NAA25: variants seen among roughly 807,000 people sequenced by gnomAD.
NAA25 encodes N-terminal acetyltransferase B complex subunit NAA25.
Under a neutral mutation model 132.5 loss-of-function variants are expected in NAA25, and 30 were observed. The ratio of observed to expected loss-of-function variants is 0.23; its 90% CI spans 0.17 to 0.31. The LOEUF is 0.31. Among genes scored for constraint, NAA25 ranks in the 10% least tolerant of loss-of-function variants. The probability of loss-of-function intolerance (pLI) is 1.00; values close to 1 mark genes in which losing one functional copy is unlikely to be tolerated. For missense variants in NAA25, 771 were observed against 1,150.4 expected, an observed-to-expected ratio of 0.67 and a Z score of 4.77; for synonymous variants, 359 against 401.9, an observed-to-expected ratio of 0.89 and a Z score of 1.28.
At chr12:112,075,339 C>G (rs908532245) in intron 8 of NAA25, among the ~76,000 whole-genome samples, 1 of 152,134 alleles carries the variant, frequency 6.6e-6, no homozygotes, top group African/African-American at 2.4e-5. Flanking sequence ...CAGGCACGCA[C>G]CACCACAACT....
At chr12:112,055,176 C>T (rs1462194518) in intron 13 of NAA25, among the ~76,000 whole-genome samples, 5 of 151,934 alleles carry the variant, frequency 3.3e-5, no homozygotes, top group Admixed American at 1.3e-4. Context: ...AAATAGTTAT[C>T]GTACTATCTA....
intron 11 of NAA25, among the ~76,000 whole-genome samples, chr12:112,066,933 A>G (rs1327979688): frequency 2.0e-5 from 3 of 152,216 alleles, no homozygotes; most frequent in Non-Finnish European, 2.9e-5. Flanking sequence ...TTCATTCCAC[A>G]TGGGGACAAT....
At chr12:112,029,695 C>T in intron 23 of NAA25, 42 bp from the exon 24 acceptor site, 2 of 1,594,104 alleles carry the variant, frequency 1.3e-6, no homozygotes, top group Non-Finnish European at 1.7e-6. Flanking sequence ...TGTTTAAAAA[C>T]CATCCCCCCA....
intron 1 of NAA25, among the ~76,000 whole-genome samples, chr12:112,097,720 G>A (rs1237342342): frequency 2.0e-5 from 3 of 151,952 alleles, no homozygotes; most frequent in African/African-American, 4.8e-5. Flanking sequence ...TTAAGCTTAC[G>A]GGTGAGGCTA....
At chr12:112,076,794 G>A (rs945943527) in intron 7 of NAA25, among the ~76,000 whole-genome samples, 11 of 151,704 alleles carry the variant, frequency 7.3e-5, no homozygotes, top group South Asian at 2.1e-4. Context: ...CCAGGAGTTC[G>A]AGACCAGCCT....
Position 112,039,250 on chromosome 12 carries a change from T to C in NAA25, c.2628A>G (p.Lys876=). 1 of 1,600,310 alleles carries C rather than the reference T, an allele frequency of 6.2e-7. No homozygotes were observed. Among genetic ancestry groups the C allele is most frequent in the Non-Finnish European group, 8.5e-7 (1 of 1,172,554 alleles). Residue 876 remains lysine (K), a synonymous_variant, in exon 22 of 24, where the codon AAA becomes AAG. Transcript: ENST00000261745. ...TTACCATGATGATGCTGGTTTCTTT[T>C]TTCTTCTTTTTCTTTTTCTGTAAAT... The part of the protein sequence containing the change: ...KLNLQKKKKK[K]KETSIIMPPV...
At chr12:112,094,299 T>C (rs2079182718) in intron 1 of NAA25, among the ~76,000 whole-genome samples, 1 of 150,826 alleles carries the variant, frequency 6.6e-6, no homozygotes, top group African/African-American at 2.4e-5. Context: ...ATCTCTCATC[T>C]ACAAGTAATA....
intron 3 of NAA25, among the ~76,000 whole-genome samples, chr12:112,088,324 T>G (rs1306399678): frequency 1.4e-5 from 2 of 142,366 alleles, no homozygotes; most frequent in African/African-American, 2.6e-5. Flanking sequence ...GTAGTTTTTT[T>G]TTTTTTTTTT....
chr12:112,093,046 G>A lies in NAA25; in HGVS notation c.144+5C>T. The A allele has an allele frequency of 6.3e-6, 10 of 1,597,258 alleles. No homozygotes were observed. The highest frequency in any genetic ancestry group is 7.7e-6 in the Non-Finnish European group (9 of 1,169,796). Reference sequence around the variant, plus strand: ...GGTAAGTAACTGAAGGGCAAATGAAGTTACCTTAGCACAATGAAGATCCTT... The same window carrying A: ...GGTAAGTAACTGAAGGGCAAATGAAATTACCTTAGCACAATGAAGATCCTT... On this transcript the variant is annotated splice_donor_5th_base_variant and intron_variant, in intron 2 of 23. Coordinates refer to ENST00000261745, the MANE Select transcript of NAA25 (RefSeq NM_024953.4).
intron 1 of NAA25, 50 bp downstream of exon 1, chr12:112,108,666 G>A (rs1032113532): frequency 3.0e-5 from 42 of 1,416,854 alleles, no homozygotes; most frequent in Non-Finnish European, 3.5e-5. Flanking sequence ...CCCAGCCTCG[G>A]CAGCCCTCGG....
At chr12:112,082,830 T>C (rs1475990851) in intron 4 of NAA25, among the ~76,000 whole-genome samples, 2 of 151,892 alleles carry the variant, frequency 1.3e-5, no homozygotes, top group Non-Finnish European at 2.9e-5. Flanking sequence ...CATATAAAAC[T>C]ACAAATATTT....
chr12:112,096,027 T>C (rs145155915), intron 1 of NAA25, among the ~76,000 whole-genome samples: 4 of 152,312 alleles, frequency 2.6e-5, no homozygotes, highest in Non-Finnish European at 4.4e-5. Context: ...CAAACGTATA[T>C]GAATCCAAGT....
chr12:112,086,051 AAT>A (rs1555238696), intron 4 of NAA25, among the ~76,000 whole-genome samples: 1,102 of 37,376 alleles, frequency 0.029, 14 homozygotes, highest in African/African-American at 0.043. Context: ...AAAAAAAAAA[AAT>A]ATATATATAT....
intron 23 of NAA25, among the ~76,000 whole-genome samples, chr12:112,030,684 T>C (rs2078138334): frequency 6.6e-6 from 1 of 152,210 alleles, no homozygotes; most frequent in Non-Finnish European, 1.5e-5. Context: ...AGCCTAGAAC[T>C]GTAGAAGAAA....
intron 2 of NAA25, among the ~76,000 whole-genome samples, chr12:112,092,245 AAG>A (rs2079142470): frequency 6.6e-6 from 1 of 151,974 alleles, no homozygotes; most frequent in Admixed American, 6.6e-5. Flanking sequence ...CATCTCAAAA[AAG>A]AAAAAAAAAA....
intron 5 of NAA25, among the ~76,000 whole-genome samples, chr12:112,079,928 A>C (rs2136905560): frequency 6.6e-6 from 1 of 152,272 alleles, no homozygotes; most frequent in South Asian, 2.1e-4. Context: ...AATAGATTAG[A>C]GATTCAGGGG....
rs368748158 is a variant in NAA25 at position 112,039,215 on chromosome 12, G to A, written c.2649+14C>T. 6.4e-5 allele frequency: 94 copies of A among 1,462,118 alleles called. No individual in the cohort carries two copies. The Admixed American group carries it at 8.1e-4, about 13-fold the overall frequency. 90.6% of individuals were successfully genotyped at this position (1,462,118 alleles called of 1,614,324 possible). A position where few individuals can be genotyped will look rare whatever the true frequency, so the allele number is the denominator to read the frequency against. On this transcript the variant is annotated intron_variant, in intron 22 of 23. Transcript: ENST00000261745. ...AGATTGTTCCTTGTATATCACTTGT[G>A]TTACTGTTATTACCATGATGATGCT... is the stretch of plus-strand genomic sequence containing the variant.
In NAA25 at chr12:112,033,295, C is replaced by G; in HGVS notation, c.2734G>C (p.Glu912Gln). ...SNVVDHIKGL[E>Q]THLIALKLEE... is the part of the protein sequence containing the mutation. ...AGTTTAAGTGCAATTAGATGTGTTT[C>G]AAGCCCTTTAATATGATCCACAACA... Residue 912 changes from glutamate to glutamine, a missense_variant, in exon 23 of 24, where the codon GAA becomes CAA. Physicochemically the swap from Glu to Gln is conservative, Grantham distance 29. Coordinates refer to ENST00000261745, the MANE Select transcript of NAA25 (RefSeq NM_024953.4). The G allele has an allele frequency of 6.2e-7, 1 of 1,613,368 alleles. No individual in the cohort carries two copies. Among genetic ancestry groups the G allele is most frequent in the South Asian group, 1.1e-5 (1 of 90,906 alleles).
intron 4 of NAA25, among the ~76,000 whole-genome samples, chr12:112,086,884 G>A (rs1346036162): frequency 8.0e-6 from 1 of 125,224 alleles, no homozygotes; most frequent in Non-Finnish European, 1.6e-5. Flanking sequence ...GGTGGCGCAA[G>A]CATGTAATCC....
Sources: allele counts gnomAD v4.1 joint callset (sites outside exome capture counted in the v4.1 genomes callset), GRCh38; gene constraint gnomAD v4.1.1; transcripts MANE v1.5; gene names NCBI Gene and HGNC (gene_info 2026-07-23, HGNC 2026-07-21).